Variants in RGL1 observed in about 807,000 individuals in gnomAD.
RGL1 encodes the protein ral guanine nucleotide dissociation stimulator-like 1.
In RGL1, 24 loss-of-function variants were observed where a neutral mutation model predicts 95.2. That is an observed-to-expected ratio of 0.25 (90% CI 0.18 to 0.35). The LOEUF is 0.35. Among genes scored for constraint, RGL1 ranks in the 10% least tolerant of loss-of-function variants. RGL1 has a pLI of 1.00. For synonymous variants in RGL1, 329 were observed against 344.9 expected (o/e 0.95, Z 0.51); for missense variants, 715 against 936.3 (o/e 0.76, Z 3.08).
At chr1:183,677,149 G>C (rs1035966381) in intron 1 of RGL1, among the ~76,000 whole-genome samples, 2 of 151,002 alleles carry the variant, frequency 1.3e-5, no homozygotes, top group Admixed American at 6.6e-5. Flanking sequence ...ATTCTCAAAG[G>C]CTCCAACAGA....
intron 1 of RGL1, among the ~76,000 whole-genome samples, chr1:183,700,104 TCTTCCCACTCCTACCCTCAACCTG>T (rs1654494321): frequency 6.6e-6 from 1 of 152,158 alleles, no homozygotes; most frequent in South Asian, 2.1e-4. Context: ...TTCTAATCCC[TCTTCCCACTCCTACCCTCAACCTG>T]CTCAGACCTG....
intron 2 of RGL1, among the ~76,000 whole-genome samples, chr1:183,831,297 C>A (rs1663243653): frequency 6.6e-6 from 1 of 152,166 alleles, no homozygotes; most frequent in South Asian, 2.1e-4. Context: ...TGCAAAGATC[C>A]TTCCATGAGA....
chr1:183,656,293 A>G lies in RGL1; in HGVS notation c.-33+19792A>G, dbSNP rs376171044. On this transcript the variant is annotated intron_variant, in intron 1 of 18. Transcript: ENST00000304685. Reference sequence around the variant, plus strand: ...TTATGATGGTAACAGAGTGACCTCAATGCCTAAAGTTTTGGTCAGTGTCAA... The same window carrying G: ...TTATGATGGTAACAGAGTGACCTCAGTGCCTAAAGTTTTGGTCAGTGTCAA... Among the ~76,000 whole-genome samples, 14 of 152,310 alleles carry G rather than the reference A, an allele frequency of 9.2e-5. 1 individual carries two copies. Among genetic ancestry groups the G allele is most frequent in the African/African-American group, 3.4e-4 (14 of 41,554 alleles).
intron 2 of RGL1, among the ~76,000 whole-genome samples, chr1:183,766,339 C>CTT (rs142084765): frequency 6.8e-6 from 1 of 146,552 alleles, no homozygotes; most frequent in African/African-American, 2.5e-5. Context: ...GAATGTCTCA[C>CTT]TTTTTTTTTT....
intron 2 of RGL1, among the ~76,000 whole-genome samples, chr1:183,770,331 C>CAG (rs774207092): frequency 8.8e-4 from 134 of 151,920 alleles, no homozygotes; most frequent in Admixed American, 5.0e-3. Context: ...ACCAGAGAGA[C>CAG]AGAGAGAGAG....
intron 2 of RGL1, among the ~76,000 whole-genome samples, chr1:183,742,749 C>G (rs553081508): frequency 6.7e-6 from 1 of 149,886 alleles, no homozygotes; most frequent in African/African-American, 2.5e-5. Context: ...AGAGAGGGGA[C>G]GGGGAGAGAG....
chr1:183,661,608 C>T (rs1291346508), intron 1 of RGL1, among the ~76,000 whole-genome samples: 1 of 151,256 alleles, frequency 6.6e-6, no homozygotes, highest in Non-Finnish European at 1.5e-5. Context: ...GATGGATTCA[C>T]AGCCGAATTC....
rs79448010 is a variant in RGL1 at position 183,829,084 on chromosome 1, A to G, written c.139-18482A>G. ...GAATGCACCTTCTTCAGTTACAGGG[A>G]TTTGGATTTAGGGAGTTGGAGGTGG... On this transcript the variant is annotated intron_variant, in intron 2 of 17. Transcript: ENST00000360851. 6.4e-3 allele frequency among the ~76,000 whole-genome samples: 979 copies of G among 152,160 alleles called. 3 individuals carry two copies. The highest frequency in any genetic ancestry group is 0.01 in the Non-Finnish European group (707 of 67,994).
intron 2 of RGL1, among the ~76,000 whole-genome samples, chr1:183,813,301 C>A (rs758810190): frequency 2.6e-5 from 4 of 152,200 alleles, no homozygotes; most frequent in Admixed American, 6.5e-5. Flanking sequence ...GTGAAATGTA[C>A]TGGGGACTTC....
chr1:183,788,520 C>T (rs981115907), intron 2 of RGL1, among the ~76,000 whole-genome samples: 4 of 152,208 alleles, frequency 2.6e-5, no homozygotes, highest in African/African-American at 9.6e-5. Flanking sequence ...CACTCATTGG[C>T]TCAGTCAAGT....
rs771549232 is a variant in RGL1, at chr1:183,907,024, A to G, written c.1485A>G (p.Ser495=). The G allele has an allele frequency of 3.7e-6, 6 of 1,608,138 alleles. No homozygotes were observed. The highest frequency in any genetic ancestry group is 4.3e-6 in the Non-Finnish European group (5 of 1,175,160). The part of the protein sequence containing the change: ...LLTEEESYAL[S]CEIEAAADAS... ...TTCTCTTTCTCAGCTATGCCCTGTC[A>G]TGTGAGATTGAAGCAGCTGCTGACG... Residue 495 remains serine, a synonymous_variant, in exon 14 of 18, where the codon TCA becomes TCG. Coordinates refer to ENST00000360851, the MANE Select transcript of RGL1 (RefSeq NM_001297671.3).
chr1:183,760,095 A>G (rs1326125492), intron 2 of RGL1, among the ~76,000 whole-genome samples: 2 of 152,218 alleles, frequency 1.3e-5, no homozygotes, highest in African/African-American at 2.4e-5. Context: ...CAGTGCATAT[A>G]AAAGTGATGT....
chr1:183,884,685 C>T, intron 6 of RGL1, 38 bp from the exon 7 acceptor site: 1 of 1,559,788 alleles, frequency 6.4e-7, no homozygotes, highest in South Asian at 1.1e-5. Flanking sequence ...TATGAAATGT[C>T]TGTGTTGTCC....
chr1:183,909,838 A>G (rs1668543772), intron 14 of RGL1, among the ~76,000 whole-genome samples: 1 of 151,914 alleles, frequency 6.6e-6, no homozygotes, highest in South Asian at 2.1e-4. Flanking sequence ...TTTTACCACT[A>G]CTTGTGGTGT....
chr1:183,920,039 C>CTT (rs34791923), intron 16 of RGL1, among the ~76,000 whole-genome samples: 3 of 146,256 alleles, frequency 2.1e-5, no homozygotes, highest in Non-Finnish European at 1.5e-5. Flanking sequence ...CTTTCAAAAA[C>CTT]TTTTTTTTTT....
intron 3 of RGL1, among the ~76,000 whole-genome samples, chr1:183,855,577 C>T (rs1208680168): frequency 2.0e-5 from 3 of 152,186 alleles, no homozygotes; most frequent in Non-Finnish European, 2.9e-5. Context: ...TCTTTCCTCT[C>T]CTCTTCCAGG....
intron 7 of RGL1, among the ~76,000 whole-genome samples, chr1:183,886,417 A>G (rs753136415): frequency 2.6e-5 from 4 of 151,794 alleles, no homozygotes; most frequent in Non-Finnish European, 5.9e-5. Flanking sequence ...TTTTTGCCAT[A>G]AGTGTCACAG....
intron 2 of RGL1, among the ~76,000 whole-genome samples, chr1:183,749,473 C>A (rs1343175234): frequency 1.3e-5 from 2 of 152,048 alleles, no homozygotes; most frequent in African/African-American, 4.8e-5. Flanking sequence ...TGAGATGGGT[C>A]TCCTGAATAC....
intron 2 of RGL1, among the ~76,000 whole-genome samples, chr1:183,840,664 A>T (rs1165896841): frequency 6.6e-6 from 1 of 151,870 alleles, no homozygotes; most frequent in Non-Finnish European, 1.5e-5. Context: ...GGAGTTTGAG[A>T]CCAGCTTGGG....
Sources: allele counts gnomAD v4.1 joint callset (sites outside exome capture counted in the v4.1 genomes callset), GRCh38; gene constraint gnomAD v4.1.1; transcripts MANE v1.5; gene names NCBI Gene and HGNC (gene_info 2026-07-23, HGNC 2026-07-21).